The following SCFD1 variants were observed in gnomAD, a reference collection of about 807,000 sequenced individuals.
SCFD1 encodes sec1 family domain-containing protein 1.
Under a neutral mutation model 103.2 loss-of-function variants are expected in SCFD1, and 37 were observed. The ratio of observed to expected loss-of-function variants is 0.36; its 90% confidence interval spans 0.28 to 0.47. The LOEUF is 0.47. Ranked by LOEUF, SCFD1 falls within the 20% of genes least tolerant of loss-of-function variation. The pLI is 1.00. For missense variants in SCFD1, 639 were observed against 761.2 expected (o/e 0.84, Z 1.89); for synonymous variants, 264 against 245.0 (o/e 1.08, Z -0.73).
intron 15 of SCFD1, among the ~76,000 whole-genome samples, chr14:30,695,202 C>T (rs1890609041): frequency 1.3e-5 from 2 of 152,140 alleles, no homozygotes; most frequent in Non-Finnish European, 2.9e-5. Context: ...CTAAGTGATT[C>T]GCTTCCTAAT....
chr14:30,722,065 G>C (rs1474036152), intron 22 of SCFD1, 148 bp downstream of exon 22: 6 of 570,044 alleles, frequency 1.1e-5, no homozygotes, highest in Non-Finnish European at 1.5e-5. Context: ...TTATAAAGCT[G>C]CTTATATTTA....
rs550991664 is a variant in SCFD1 at position 30,640,215 on chromosome 14, C to G, written c.523+351C>G. Among the ~76,000 whole-genome samples the G allele has an allele frequency of 3.0e-4, 46 of 152,242 alleles. 1 individual carries two copies. The highest frequency in any genetic ancestry group is 1.1e-3 in the African/African-American group (46 of 41,546). On this transcript the variant is annotated intron_variant, in intron 6 of 24. Transcript: ENST00000458591. ...TTGATCTTGGACAAGAACAAGTTAG[C>G]TTGCTTCTCTGTGCTTATAAAACAC...
At chr14:30,733,626 A>G (rs978834567) in intron 23 of SCFD1, among the ~76,000 whole-genome samples, 2 of 152,206 alleles carry the variant, frequency 1.3e-5, no homozygotes, top group Non-Finnish European at 2.9e-5. Flanking sequence ...TTAACTAGTG[A>G]TGAATTCTGG....
chr14:30,624,500 T>C (rs191287700), intron 1 of SCFD1, among the ~76,000 whole-genome samples: 1 of 152,342 alleles, frequency 6.6e-6, no homozygotes, highest in Admixed American at 6.5e-5. Context: ...GTCTCTTTCA[T>C]GTCTCATGTA....
chr14:30,680,676 C>A (rs1025609743), intron 14 of SCFD1, among the ~76,000 whole-genome samples: 7 of 152,128 alleles, frequency 4.6e-5, no homozygotes, highest in African/African-American at 1.7e-4. Context: ...CACCTGTAAT[C>A]CTGGCCACTC....
intron 10 of SCFD1, among the ~76,000 whole-genome samples, chr14:30,656,768 G>A (rs916981346): frequency 2.6e-5 from 4 of 152,104 alleles, no homozygotes; most frequent in Non-Finnish European, 4.4e-5. Context: ...TCCCATTTGA[G>A]AAGGCTCCAG....
At position 30,646,831 on chromosome 14, in the gene SCFD1, TA is replaced by T. The variant is rs1377484648; in HGVS notation, c.614-2694del. On this transcript the variant is annotated intron_variant, in intron 7 of 24. Coordinates refer to ENST00000458591, the MANE Select transcript of SCFD1 (RefSeq NM_016106.4). Reference sequence around the variant, plus strand: ...TCCAGAACTTCAGTTTCTTCCTTGTTAAACCTTGGCAGGTTCTATGTTTCCA... The same window carrying T: ...TCCAGAACTTCAGTTTCTTCCTTGTTAACCTTGGCAGGTTCTATGTTTCCA... Among the ~76,000 whole-genome samples, 3 of 152,344 alleles carry T rather than the reference TA, an allele frequency of 2.0e-5. No individual in the cohort carries two copies. The East Asian group carries it at 5.8e-4, about 29-fold the overall frequency.
chr14:30,652,950 AG>A (rs1326446133), intron 9 of SCFD1, among the ~76,000 whole-genome samples: 1 of 152,140 alleles, frequency 6.6e-6, no homozygotes, highest in Admixed American at 6.5e-5. Context: ...TCAAGGCTGC[AG>A]TGACCTGTGA....
chr14:30,649,336 A>C (rs1886177079), intron 7 of SCFD1, among the ~76,000 whole-genome samples, 192 bp from the exon 8 acceptor site: 1 of 152,200 alleles, frequency 6.6e-6, no homozygotes, highest in Admixed American at 6.5e-5. Flanking sequence ...AGAAGGCTGT[A>C]CTTGTACCCC....
intron 10 of SCFD1, among the ~76,000 whole-genome samples, chr14:30,656,962 G>A (rs958528863): frequency 2.0e-5 from 3 of 152,038 alleles, no homozygotes; most frequent in East Asian, 1.9e-4. Flanking sequence ...AGTTGTACAG[G>A]GATTAATGGG....
intron 15 of SCFD1, among the ~76,000 whole-genome samples, chr14:30,697,160 T>G (rs2139322500): frequency 6.6e-6 from 1 of 152,276 alleles, no homozygotes; most frequent in South Asian, 2.1e-4. Flanking sequence ...TGCTGCCTTA[T>G]AAATACAGTT....
intron 6 of SCFD1, among the ~76,000 whole-genome samples, chr14:30,640,237 A>C (rs1885134471): frequency 1.3e-5 from 2 of 152,144 alleles, no homozygotes; most frequent in Admixed American, 6.5e-5. Flanking sequence ...TGCTTATAAA[A>C]CACTGGAACC....
At chr14:30,625,616 CCTA>C (rs1883324477) in intron 1 of SCFD1, among the ~76,000 whole-genome samples, 1 of 67,096 alleles carries the variant, frequency 1.5e-5, no homozygotes, top group Non-Finnish European at 3.1e-5. Flanking sequence ...TATAGGTATA[CCTA>C]TATAGGTATA....
chr14:30,731,025 G>T (rs1359687477), intron 23 of SCFD1, among the ~76,000 whole-genome samples: 1 of 152,146 alleles, frequency 6.6e-6, no homozygotes, highest in Non-Finnish European at 1.5e-5. Flanking sequence ...ATTAATTTTT[G>T]TATAGGGTGT....
chr14:30,629,823 A>C (rs1594552912), intron 2 of SCFD1, among the ~76,000 whole-genome samples: 1 of 151,978 alleles, frequency 6.6e-6, no homozygotes, highest in South Asian at 2.1e-4. Context: ...TGATCCGCCC[A>C]CCTCGGCCTC....
chr14:30,728,791 G>A (rs1274913418), intron 23 of SCFD1, among the ~76,000 whole-genome samples: 1 of 151,016 alleles, frequency 6.6e-6, no homozygotes, highest in Admixed American at 6.6e-5. Context: ...CATGTGTATT[G>A]GCCATTTGTA....
intron 7 of SCFD1, chr14:30,643,880 G>T: frequency 2.2e-6 from 1 of 446,756 alleles, no homozygotes; most frequent in Non-Finnish European, 4.5e-6. Flanking sequence ...TTTATTTTAG[G>T]TTTGGGGGAT....
intron 19 of SCFD1, among the ~76,000 whole-genome samples, chr14:30,711,206 A>C (rs1891845163): frequency 6.6e-6 from 1 of 152,240 alleles, no homozygotes; most frequent in Non-Finnish European, 1.5e-5. Flanking sequence ...TGAATTAACA[A>C]CACATAAATT....
chr14:30,729,173 A>G (rs1893265461), intron 23 of SCFD1, among the ~76,000 whole-genome samples: 1 of 151,834 alleles, frequency 6.6e-6, no homozygotes, highest in Non-Finnish European at 1.5e-5. Context: ...TGATTTCCAG[A>G]TTTTTTCCCC....
Sources: gnomAD v4.1 joint callset for allele counts (sites outside exome capture counted in the v4.1 genomes callset) on GRCh38, gnomAD v4.1.1 for gene constraint, MANE v1.5 for transcripts, NCBI Gene and HGNC (gene_info 2026-07-23, HGNC 2026-07-21) for gene names.